The following DNAH1 variants were observed in gnomAD, a reference collection of about 807,000 sequenced individuals.
The protein encoded by DNAH1 is axonemal beta dynein heavy chain 1.
DNAH1 carries 327 observed loss-of-function variants against 484.3 expected under a neutral mutation model. The observed-to-expected ratio is 0.68, with a 90% confidence interval of 0.62 to 0.74. DNAH1 has a LOEUF of 0.74. Among genes scored for constraint, DNAH1 ranks in the 30% least tolerant of loss-of-function variants. The pLI is 0.00. For synonymous variants in DNAH1, 2,192 were observed against 2,191.9 expected (o/e 1.00, Z 0.00); for missense variants, 5,052 against 5,546.8 (o/e 0.91, Z 2.83).
chr3:52,321,742 C>G (rs1294551390), intron 1 of DNAH1: 1 of 152,298 alleles, frequency 6.6e-6, no homozygotes, highest in African/African-American at 2.4e-5. Flanking sequence ...CTCTGAGAGC[C>G]AGGGTGGGTG....
intron 63 of DNAH1, among the ~76,000 whole-genome samples, chr3:52,392,184 G>T (rs945575320): frequency 6.6e-6 from 1 of 152,228 alleles, no homozygotes; most frequent in Non-Finnish European, 1.5e-5. Context: ...TGCCAAGGAG[G>T]TATTGTCCAG....
chr3:52,339,776 G>T (rs7643570), intron 8 of DNAH1, among the ~76,000 whole-genome samples: 41,272 of 151,244 alleles, frequency 0.27, 8,263 homozygotes, highest in African/African-American at 0.57. Flanking sequence ...TTGTTTGTTT[G>T]TTTTTAGAAT....
At chr3:52,327,767 G>A (rs1701401919) in intron 5 of DNAH1, 115 bp from the exon 6 acceptor site, 1 of 1,267,452 alleles carries the variant, frequency 7.9e-7, no homozygotes, top group Non-Finnish European at 1.1e-6. Context: ...CCACCTTGCA[G>A]CTCTCTCACC....
intron 8 of DNAH1, among the ~76,000 whole-genome samples, chr3:52,335,043 A>G (rs1578090710): frequency 6.6e-6 from 1 of 150,662 alleles, no homozygotes; most frequent in Non-Finnish European, 1.5e-5. Flanking sequence ...CTCGTGATCC[A>G]CCTGCCTCAG....
At position 52,398,286 on chromosome 3, in the gene DNAH1, T is replaced by G. The variant is rs1031939470; in HGVS notation, c.12089+124T>G. On this transcript the variant is annotated intron_variant, in intron 75 of 77. Transcript: ENST00000420323. ...TACACATCCTCTAACTCAGCTATTT[T>G]TTGTTGTTGTTGTTGACACGGAGTC... 4.7e-6 allele frequency: 6 copies of G among 1,274,730 alleles called. No homozygotes were observed. In the East Asian group the frequency reaches 1.0e-4, roughly 22 times the overall value. 79.0% of individuals were successfully genotyped at this position (1,274,730 alleles called of 1,614,324 possible). A position where few individuals can be genotyped will look rare whatever the true frequency, so the allele number is the denominator to read the frequency against.
At chr3:52,331,336 C>T in intron 7 of DNAH1, 27 bp downstream of exon 7, 1 of 1,586,316 alleles carries the variant, frequency 6.3e-7, no homozygotes. Context: ...CTGCCCCAGG[C>T]AGAACCCCAG....
In DNAH1 at chr3:52,381,664, A is replaced by G. The variant is rs201633223; in HGVS notation, c.7633A>G (p.Ile2545Val). ...SKMMQVIEEY[I>V]EDYNQINTAK... The stretch of plus-strand genomic sequence containing the variant: ...GATGATGCAGGTGATAGAGGAGTAC[A>G]TAGAGGACTACAACCAGATCAACAC... Residue 2545 changes from isoleucine (I) to valine (V), a missense_variant, in exon 49 of 78, where the codon ATA becomes GTA. Ile to Val is a conservative substitution (Grantham distance 29). Coordinates refer to ENST00000420323, the MANE Select transcript of DNAH1 (RefSeq NM_015512.5). This position sits in a 1 kb window ranked among gnomAD's most constrained non-coding sequence, Gnocchi z 4.1. 1.9e-6 allele frequency: 3 copies of G among 1,608,316 alleles called. No homozygotes were observed. The highest frequency in any genetic ancestry group is 2.5e-6 in the Non-Finnish European group (3 of 1,177,652).
Position 52,394,337 on chromosome 3 carries a change from T to C in DNAH1, c.10627-128T>C, listed in dbSNP as rs1704522885. 14 of 883,622 alleles carry C rather than the reference T, an allele frequency of 1.6e-5. No homozygotes were observed. In the South Asian group the frequency reaches 2.4e-4, roughly 15 times the overall value. 54.7% of individuals were successfully genotyped at this position (883,622 alleles called of 1,614,324 possible). ...GAACACTAACCCAGACCTGTTTGAC[T>C]ACCATCCCCAAGGGAGACTCAGTTT... On this transcript the variant is annotated intron_variant, in intron 66 of 77. Coordinates refer to ENST00000420323, the MANE Select transcript of DNAH1 (RefSeq NM_015512.5).
rs763327180 is a variant in DNAH1, at chr3:52,397,044, C to T, written c.11787C>T (p.His3929=). Residue 3929 remains histidine (H), a splice_region_variant and synonymous_variant, in exon 73 of 78, where the codon CAC becomes CAT. Transcript: ENST00000420323. ...YHQIPPTYDL[H]GYLSYIKSLP... ...AGATCCCGCCTACCTACGACCTCCA[C>T]GTGAGTCCAGCCCAAAGGGCTGCAC... 3.9e-5 allele frequency: 62 copies of T among 1,599,994 alleles called. No homozygotes were observed. The highest frequency in any genetic ancestry group is 4.7e-5 in the Non-Finnish European group (55 of 1,173,596).
rs1397525039 is a variant in DNAH1, at chr3:52,355,681, C to T, written c.3693+626C>T. On this transcript the variant is annotated intron_variant, in intron 21 of 77. Transcript: ENST00000420323. This position sits in a 1 kb window ranked among gnomAD's most constrained non-coding sequence, Gnocchi z 4.5. ...AGGCCAGAAGCAGGTGGGGAGGGCTCATCTGTGTGCCTGGACCACCCAGAG... is the reference window on the plus strand; with the variant it reads ...AGGCCAGAAGCAGGTGGGGAGGGCTTATCTGTGTGCCTGGACCACCCAGAG... Among the ~76,000 whole-genome samples, 2 of 152,246 alleles carry T rather than the reference C, an allele frequency of 1.3e-5. No individual in the cohort carries two copies. The highest frequency in any genetic ancestry group is 1.3e-4 in the Admixed American group (2 of 15,290).
chr3:52,381,752 C>A lies in DNAH1; in HGVS notation c.7721C>A (p.Thr2574Asn). 1.2e-6 allele frequency: 2 copies of A among 1,605,262 alleles called. No individual in the cohort carries two copies. Among genetic ancestry groups the A allele is most frequent in the Non-Finnish European group, 1.7e-6 (2 of 1,176,730 alleles). Residue 2574 changes from threonine (T) to asparagine (N), a missense_variant, in exon 49 of 78, where the codon ACC (threonine) becomes AAC (asparagine). By Grantham distance (65) the Thr-to-Asn change is moderately conservative. This residue lies in a region of DNAH1 where 2,929 missense variants were observed against 3,409.4 expected (regional missense o/e 0.86). Transcript: ENST00000420323. The surrounding 1 kb of genome is among the most constrained non-coding windows in gnomAD (Gnocchi z 4.1). The part of the protein sequence containing the change: ...AMSHICRISR[T>N]LRQALGNALL... The stretch of plus-strand genomic sequence containing the variant: ...AGCCACATCTGTCGCATCAGCCGCA[C>A]CCTACGCCAGGCGCTGGGCAATGCA...
chr3:52,369,614 T>C (rs991024067), intron 37 of DNAH1, among the ~76,000 whole-genome samples: 10 of 152,252 alleles, frequency 6.6e-5, no homozygotes, highest in Admixed American at 2.6e-4. Context: ...AGGAATCTCC[T>C]GACTTGGGGT....
chr3:52,346,641 A>G lies in DNAH1; in HGVS notation c.1826A>G (p.Asp609Gly), dbSNP rs1318608062. ...GAGCTGGTGAAGTACATGCTGCAGG[A>G]CACACTGCGCTTCCTGGTGCAGGAC... The part of the protein sequence containing the change: ...LMELVKYMLQ[D>G]TLRFLVQDSL... The change falls in exon 11 of 78, where the codon GAC becomes GGC. Residue 609 changes from aspartate to glycine, a missense_variant. Physicochemically the swap from Asp to Gly is moderately conservative, Grantham distance 94 (BLOSUM62 -1). Around this residue, in one of 4 missense-constraint regions of DNAH1, gnomAD observed 1,263 missense variants for 1,218.8 expected, o/e 1.04. Coordinates refer to ENST00000420323, the MANE Select transcript of DNAH1 (RefSeq NM_015512.5). 6 of 1,613,952 alleles carry G rather than the reference A, an allele frequency of 3.7e-6. No individual in the cohort carries two copies. Among genetic ancestry groups the G allele is most frequent in the Non-Finnish European group, 5.1e-6 (6 of 1,179,908 alleles).
chr3:52,391,192 G>A lies in DNAH1; in HGVS notation c.9755G>A (p.Gly3252Glu). 6.2e-7 allele frequency: 1 copy of A among 1,613,970 alleles called. No individual in the cohort carries two copies. Among genetic ancestry groups the A allele is most frequent in the Non-Finnish European group, 8.5e-7 (1 of 1,179,892 alleles). ...CTTCCCTTACAGGAGAAGGACAATG[G>A]GCTGGATGTGTTCAAGTTGAGTGAC... ...KWIKNMEKDN[G>E]LDVFKLSDRD... The change falls in exon 62 of 78, where the codon GGG becomes GAG. Residue 3252 changes from glycine to glutamate, a missense_variant. Gly to Glu is a moderately conservative substitution (Grantham distance 98, BLOSUM62 -2). Around this residue, in one of 4 missense-constraint regions of DNAH1, gnomAD observed 2,929 missense variants for 3,409.4 expected, o/e 0.86. Coordinates refer to ENST00000420323, the MANE Select transcript of DNAH1 (RefSeq NM_015512.5).
At chr3:52,330,333 G>A (rs1187827672) in intron 6 of DNAH1, among the ~76,000 whole-genome samples, 1 of 152,192 alleles carries the variant, frequency 6.6e-6, no homozygotes, top group Non-Finnish European at 1.5e-5. Flanking sequence ...TGCATAAGTA[G>A]TGTGACTTTC....
intron 63 of DNAH1, 98 bp from the exon 64 acceptor site, chr3:52,392,350 AGGATGCTGGGCTCTTG>A: frequency 1.1e-6 from 1 of 937,862 alleles, no homozygotes; most frequent in South Asian, 1.6e-5. Context: ...AACACTGGCA[AGGATGCTGGGCTCTTG>A]GAGCCCCAGA....
Position 52,384,876 on chromosome 3 carries a change from A to G in DNAH1, c.8413A>G (p.Lys2805Glu), listed in dbSNP as rs1329444895. The change falls in exon 53 of 78, where the codon AAG (lysine) becomes GAG (glutamate). Residue 2805 changes from lysine to glutamate, a missense_variant. Around this residue, in one of 4 missense-constraint regions of DNAH1, gnomAD observed 2,929 missense variants for 3,409.4 expected, o/e 0.86. Transcript: ENST00000420323. ...ELTRHNYVTP[K>E]SYLELLHIFS... ...GACCCGCCACAACTATGTGACCCCC[A>G]AGAGCTACTTGGAGCTGCTTCATAT... The G allele has an allele frequency of 1.9e-6, 3 of 1,613,330 alleles. No individual in the cohort carries two copies. The highest frequency in any genetic ancestry group is 8.5e-7 in the Non-Finnish European group (1 of 1,179,576).
Position 52,395,675 on chromosome 3 carries a change from C to T in DNAH1, c.11256C>T (p.Asp3752=). The T allele has an allele frequency of 6.2e-7, 1 of 1,613,246 alleles. No individual in the cohort carries two copies. The highest frequency in any genetic ancestry group is 8.5e-7 in the Non-Finnish European group (1 of 1,179,620). Reference sequence around the variant, plus strand: ...GCCTCATCGAGCACATCAACCCCGACAAGGTGTGTTGCCCTGCCCATCACA... The same window carrying T: ...GCCTCATCGAGCACATCAACCCCGATAAGGTGTGTTGCCCTGCCCATCACA... ...LERLIEHINP[D]KVHRDFRLWL... Residue 3752 remains aspartate (D), a synonymous_variant, in exon 70 of 78, where the codon GAC becomes GAT. Coordinates refer to ENST00000420323, the MANE Select transcript of DNAH1 (RefSeq NM_015512.5). The surrounding 1 kb of genome is among the most constrained non-coding windows in gnomAD (Gnocchi z 4.4).
At chr3:52,380,159 T>A in intron 48 of DNAH1, 24 bp downstream of exon 48, 1 of 1,555,052 alleles carries the variant, frequency 6.4e-7, no homozygotes, top group African/African-American at 1.4e-5. Flanking sequence ...GCAGGCGCCC[T>A]GCCCCTGGTG....
Sources: gnomAD v4.1 joint callset for allele counts (sites outside exome capture counted in the v4.1 genomes callset) on GRCh38, gnomAD v4.1.1 for gene constraint, gnomAD v4.1.1 regional missense constraint, Gnocchi (gnomAD v3.1) non-coding constraint, MANE v1.5 for transcripts, NCBI Gene and HGNC (gene_info 2026-07-23, HGNC 2026-07-21) for gene names.